The following SUCLG2 variants were observed in gnomAD, a reference collection of about 807,000 sequenced individuals.
SUCLG2 encodes the protein succinate-CoA ligase GDP-forming subunit beta, also known as succinate--CoA ligase [GDP-forming] subunit beta, mitochondrial.
Under a neutral mutation model 47.9 loss-of-function variants are expected in SUCLG2, and 42 were observed. That is an observed-to-expected ratio of 0.88 (90% CI 0.69 to 1.14). The LOEUF (loss-of-function observed/expected upper bound fraction) is 1.14. SUCLG2 is among the 50% of genes most tolerant of loss of function. The pLI is 0.00. For missense variants in SUCLG2, 571 were observed against 525.9 expected (o/e 1.09, Z -0.84); for synonymous variants, 195 against 197.3 (o/e 0.99, Z 0.10).
At chr3:67,573,865 A>G (rs1428463502) in intron 2 of SUCLG2, among the ~76,000 whole-genome samples, 1 of 152,156 alleles carries the variant, frequency 6.6e-6, no homozygotes, top group East Asian at 1.9e-4. Context: ...CTGTGGGACA[A>G]AGAGCCCCAT....
intron 2 of SUCLG2, among the ~76,000 whole-genome samples, chr3:67,591,458 G>A (rs541849588): frequency 3.9e-5 from 6 of 152,282 alleles, no homozygotes; most frequent in African/African-American, 7.2e-5. Context: ...GAATTTTCAC[G>A]TGTTGTGGGA....
chr3:67,614,479 C>T (rs115225417), intron 1 of SUCLG2, among the ~76,000 whole-genome samples: 2 of 151,818 alleles, frequency 1.3e-5, no homozygotes, highest in African/African-American at 4.8e-5. Context: ...CTATGGCTCA[C>T]GGAAGATTCC....
At chr3:67,486,197 C>A (rs926943106) in intron 9 of SUCLG2, among the ~76,000 whole-genome samples, 1 of 151,814 alleles carries the variant, frequency 6.6e-6, no homozygotes, top group Admixed American at 6.6e-5. Context: ...CCCAGGAGGC[C>A]GAGGCTGCAG....
At chr3:67,378,572 A>C (rs1453820193) in intron 10 of SUCLG2, among the ~76,000 whole-genome samples, 1 of 152,216 alleles carries the variant, frequency 6.6e-6, no homozygotes, top group Non-Finnish European at 1.5e-5. Flanking sequence ...CCTTGAGATC[A>C]CTACAGCTCG....
intron 2 of SUCLG2, among the ~76,000 whole-genome samples, chr3:67,540,299 C>T (rs1206076097): frequency 2.0e-5 from 3 of 151,900 alleles, no homozygotes; most frequent in Admixed American, 2.0e-4. Context: ...TATTTATCCA[C>T]TGGCTTGAAA....
intron 10 of SUCLG2, among the ~76,000 whole-genome samples, chr3:67,366,093 A>G (rs1440344632): frequency 1.3e-5 from 2 of 152,160 alleles, no homozygotes; most frequent in Non-Finnish European, 2.9e-5. Context: ...ACACTAACAT[A>G]TACATGAACA....
chr3:67,490,430 C>T (rs550730154), intron 9 of SUCLG2, among the ~76,000 whole-genome samples: 1 of 152,288 alleles, frequency 6.6e-6, no homozygotes, highest in Admixed American at 6.5e-5. Flanking sequence ...CTGGCCTCTT[C>T]TCAAATTTAT....
At chr3:67,635,206 G>C (rs1015743575) in intron 1 of SUCLG2, among the ~76,000 whole-genome samples, 2 of 152,198 alleles carry the variant, frequency 1.3e-5, no homozygotes, top group African/African-American at 4.8e-5. Context: ...TTGTGCAAAA[G>C]AGGTAGGAAC....
chr3:67,369,335 C>T (rs1701919824), intron 10 of SUCLG2, among the ~76,000 whole-genome samples: 1 of 152,138 alleles, frequency 6.6e-6, no homozygotes, highest in Admixed American at 6.5e-5. Context: ...CTTTGGCTTA[C>T]CCCTCTTTCC....
At chr3:67,377,392 C>G (rs1702056449) in intron 10 of SUCLG2, among the ~76,000 whole-genome samples, 2 of 152,182 alleles carry the variant, frequency 1.3e-5, no homozygotes. Flanking sequence ...GCAGGCCTGG[C>G]TGGCTTTGCA....
chr3:67,414,683 G>A (rs1167677112), intron 9 of SUCLG2, among the ~76,000 whole-genome samples: 2 of 152,102 alleles, frequency 1.3e-5, no homozygotes, highest in Non-Finnish European at 2.9e-5. Flanking sequence ...TAGACAAAAT[G>A]TATCTGAGAG....
At chr3:67,394,015 C>T (rs1702462129) in intron 10 of SUCLG2, among the ~76,000 whole-genome samples, 1 of 152,090 alleles carries the variant, frequency 6.6e-6, no homozygotes, top group Admixed American at 6.6e-5. Flanking sequence ...ACCAAAAACC[C>T]ATCTGTACAT....
intron 10 of SUCLG2, among the ~76,000 whole-genome samples, chr3:67,388,677 T>C (rs533904247): frequency 6.6e-6 from 1 of 152,206 alleles, no homozygotes; most frequent in Admixed American, 6.5e-5. Flanking sequence ...ACTAAGGAAA[T>C]GCAGACTCCT....
At chr3:67,630,366 A>G (rs1365135383) in intron 1 of SUCLG2, among the ~76,000 whole-genome samples, 1 of 152,242 alleles carries the variant, frequency 6.6e-6, no homozygotes, top group Admixed American at 6.5e-5. Flanking sequence ...ACTGATGGTC[A>G]AGGACATTAA....
At position 67,563,892 on chromosome 3, in the gene SUCLG2, C is replaced by CG. The variant is rs1488363963; in HGVS notation, c.227-34707dup. On this transcript the variant is annotated intron_variant, in intron 2 of 10. Coordinates refer to ENST00000307227, the MANE Select transcript of SUCLG2 (RefSeq NM_003848.4). ...AGGAGAATGGCGTGAACCCGAGAGG[C>CG]GAGCTTGCAGTGAGCGGAGATCTCG... Among the ~76,000 whole-genome samples, 4 of 146,624 alleles carry CG rather than the reference C, an allele frequency of 2.7e-5. No homozygotes were observed. In the Admixed American group the frequency reaches 2.8e-4, roughly 10 times the overall value.
intron 9 of SUCLG2, among the ~76,000 whole-genome samples, chr3:67,446,418 T>G (rs13085220): frequency 0.39 from 6,332 of 16,358 alleles, 1,099 homozygotes; most frequent in South Asian, 0.51. Flanking sequence ...CATATGTACA[T>G]TTTTTTTTTT....
chr3:67,409,233 ACT>A (rs1311295760), intron 9 of SUCLG2, among the ~76,000 whole-genome samples: 1 of 150,974 alleles, frequency 6.6e-6, no homozygotes, highest in Non-Finnish European at 1.5e-5. Flanking sequence ...CAAACACTAA[ACT>A]CTGTCCTGAG....
intron 1 of SUCLG2, among the ~76,000 whole-genome samples, chr3:67,613,978 C>CTTTGGGAGGG (rs1700579450): frequency 6.6e-6 from 1 of 152,124 alleles, no homozygotes. Flanking sequence ...GTAACTACTC[C>CTTTGGGAGGG]AGGCTTTGGG....
At chr3:67,440,141 T>C (rs1703724144) in intron 9 of SUCLG2, among the ~76,000 whole-genome samples, 2 of 152,240 alleles carry the variant, frequency 1.3e-5, no homozygotes, top group Non-Finnish European at 1.5e-5. Flanking sequence ...AAAGATTCCC[T>C]ATTTAATAAA....
Sources: gnomAD v4.1 joint callset for allele counts (sites outside exome capture counted in the v4.1 genomes callset) on GRCh38, gnomAD v4.1.1 for gene constraint, MANE v1.5 for transcripts, NCBI Gene and HGNC (gene_info 2026-07-23, HGNC 2026-07-21) for gene names.